Variants in SPAG16 observed in about 807,000 individuals in gnomAD.
SPAG16 encodes sperm-associated antigen 16 protein.
A neutral mutation model predicts 80.4 loss-of-function variants in SPAG16; 86 were observed. The ratio of observed to expected loss-of-function variants is 1.07; its 90% CI spans 0.90 to 1.28. The LOEUF (loss-of-function observed/expected upper bound fraction) is 1.28. SPAG16 is among the 50% of genes most tolerant of loss of function. The pLI, the probability that SPAG16 is intolerant of heterozygous loss-of-function variation, is 0.00. For synonymous variants in SPAG16, 294 were observed against 265.9 expected (o/e 1.11, Z -1.03); for missense variants, 870 against 765.3 (o/e 1.14, Z -1.61).
At chr2:213,627,788 A>C (rs2062011670) in intron 10 of SPAG16, among the ~76,000 whole-genome samples, 1 of 152,234 alleles carries the variant, frequency 6.6e-6, no homozygotes, top group Non-Finnish European at 1.5e-5. Flanking sequence ...TTCATATTTT[A>C]AATAACTTAA....
chr2:214,375,838 T>C (rs1461124360), intron 15 of SPAG16, among the ~76,000 whole-genome samples: 2 of 152,170 alleles, frequency 1.3e-5, no homozygotes, highest in Non-Finnish European at 1.5e-5. Flanking sequence ...TGGTTACCTC[T>C]GGAATGAGAG....
At chr2:213,976,147 C>CACAT (rs1463949754) in intron 12 of SPAG16, among the ~76,000 whole-genome samples, 2 of 141,862 alleles carry the variant, frequency 1.4e-5, no homozygotes, top group African/African-American at 5.1e-5. Flanking sequence ...CACACACACA[C>CACAT]ACACACACGT....
chr2:214,114,098 G>T (rs759386748), intron 14 of SPAG16, among the ~76,000 whole-genome samples: 1 of 152,168 alleles, frequency 6.6e-6, no homozygotes, highest in South Asian at 2.1e-4. Flanking sequence ...CTGTAGGTCT[G>T]TTGGAGTTTG....
intron 15 of SPAG16, among the ~76,000 whole-genome samples, chr2:214,211,659 A>G (rs1172913093): frequency 6.6e-6 from 1 of 152,180 alleles, no homozygotes; most frequent in African/African-American, 2.4e-5. Context: ...CCTGCAACCA[A>G]GACTGAGAAA....
At chr2:214,219,947 C>A (rs2058524301) in intron 15 of SPAG16, among the ~76,000 whole-genome samples, 1 of 120,806 alleles carries the variant, frequency 8.3e-6, no homozygotes, top group Non-Finnish European at 2.1e-5. Context: ...GATAATTTAG[C>A]AAAACCTGTT....
intron 15 of SPAG16, among the ~76,000 whole-genome samples, chr2:214,405,182 C>T (rs368664878): frequency 8.6e-5 from 13 of 151,902 alleles, no homozygotes; most frequent in South Asian, 4.2e-4. Context: ...TGGAGTGTAA[C>T]GGTGGGAATA....
chr2:214,071,441 A>T (rs1008097149), intron 13 of SPAG16, among the ~76,000 whole-genome samples: 5 of 152,172 alleles, frequency 3.3e-5, no homozygotes, highest in Non-Finnish European at 5.9e-5. Flanking sequence ...AGTATAAGGC[A>T]TGTAGAGGAT....
At chr2:213,353,993 G>A (rs967282922) in intron 7 of SPAG16, among the ~76,000 whole-genome samples, 4 of 152,080 alleles carry the variant, frequency 2.6e-5, no homozygotes, top group African/African-American at 4.8e-5. Flanking sequence ...TACACCCATC[G>A]TCATTTACAT....
At chr2:213,785,089 C>A (rs1338966662) in intron 10 of SPAG16, among the ~76,000 whole-genome samples, 3 of 151,976 alleles carry the variant, frequency 2.0e-5, no homozygotes, top group Admixed American at 2.0e-4. Flanking sequence ...GCAATATGGA[C>A]GTATATAATG....
intron 15 of SPAG16, 57 bp downstream of exon 15, chr2:214,149,323 T>TGAGA: frequency 1.5e-6 from 2 of 1,366,246 alleles, no homozygotes; most frequent in Non-Finnish European, 1.9e-6. Flanking sequence ...ATATTTGTTC[T>TGAGA]GAAACTATTT....
intron 10 of SPAG16, among the ~76,000 whole-genome samples, chr2:213,675,258 T>G (rs1574755615): frequency 6.6e-6 from 1 of 152,320 alleles, no homozygotes; most frequent in East Asian, 1.9e-4. Flanking sequence ...TAAATTTGTT[T>G]GAGTTCATTG....
At chr2:213,564,911 C>T (rs2059710970) in intron 10 of SPAG16, among the ~76,000 whole-genome samples, 2 of 152,102 alleles carry the variant, frequency 1.3e-5, no homozygotes, top group Admixed American at 1.3e-4. Context: ...AGTCTGGCTC[C>T]TGAGCCTGCA....
At chr2:213,781,728 G>A (rs918665353) in intron 10 of SPAG16, among the ~76,000 whole-genome samples, 23 of 152,244 alleles carry the variant, frequency 1.5e-4, no homozygotes, top group African/African-American at 2.9e-4. Context: ...ATCACATTAC[G>A]TGGACAACTT....
rs564536671 is a variant in SPAG16 at position 214,358,334 on chromosome 2, G to A, written c.1721-51806G>A. Among the ~76,000 whole-genome samples the A allele has an allele frequency of 7.9e-5, 12 of 151,972 alleles. No individual in the cohort carries two copies. The East Asian group carries it at 2.1e-3, about 27-fold the overall frequency. The stretch of plus-strand genomic sequence containing the variant: ...CGGTTTTCTAGGTCACCAGAAATGA[G>A]CAGATAGATCCTTTGGGCAAACGCC... On this transcript the variant is annotated intron_variant, in intron 15 of 15. Coordinates refer to ENST00000331683, the MANE Select transcript of SPAG16 (RefSeq NM_024532.5).
chr2:214,067,675 A>G (rs1404525781), intron 13 of SPAG16, among the ~76,000 whole-genome samples: 2 of 152,066 alleles, frequency 1.3e-5, no homozygotes, highest in Non-Finnish European at 2.9e-5. Context: ...TATCATAATG[A>G]TATACAAGTA....
intron 15 of SPAG16, among the ~76,000 whole-genome samples, chr2:214,252,464 G>A (rs1690364554): frequency 2.1e-5 from 3 of 144,710 alleles, no homozygotes; most frequent in South Asian, 2.2e-4. Context: ...CCCCACGACA[G>A]ACCACAGTAT....
chr2:213,374,495 C>T (rs557378156), intron 8 of SPAG16, among the ~76,000 whole-genome samples: 10 of 152,160 alleles, frequency 6.6e-5, no homozygotes, highest in African/African-American at 1.7e-4. Flanking sequence ...CAAATGATTC[C>T]ATTAAGACTG....
chr2:213,935,381 T>C (rs2078945233), intron 12 of SPAG16, among the ~76,000 whole-genome samples: 1 of 152,148 alleles, frequency 6.6e-6, no homozygotes, highest in Non-Finnish European at 1.5e-5. Flanking sequence ...TGAAGTGTTC[T>C]CAAATTATTT....
chr2:214,268,013 G>C (rs1476436562), intron 15 of SPAG16, among the ~76,000 whole-genome samples: 6 of 151,732 alleles, frequency 4.0e-5, no homozygotes, highest in African/African-American at 1.4e-4. Context: ...AGTGAGTAAA[G>C]GACTCAAATG....
Sources: gnomAD v4.1 joint callset for allele counts (sites outside exome capture counted in the v4.1 genomes callset) on GRCh38, gnomAD v4.1.1 for gene constraint, MANE v1.5 for transcripts, NCBI Gene and HGNC (gene_info 2026-07-23, HGNC 2026-07-21) for gene names.